Variants in HDAC4 observed in about 807,000 individuals in gnomAD.
HDAC4 encodes histone deacetylase A.
HDAC4 carries 16 observed loss-of-function variants against 135.1 expected under a neutral mutation model. The observed-to-expected ratio is 0.12, with a 90% CI of 0.08 to 0.18. The LOEUF (loss-of-function observed/expected upper bound fraction) is 0.18, where lower values mean the gene tolerates loss of function less well. HDAC4 is among the 10% of genes least tolerant of loss of function. HDAC4 has a pLI of 1.00. For missense variants in HDAC4, 1,143 were observed against 1,511.8 expected (o/e 0.76, Z 4.05); for synonymous variants, 685 against 653.4 (o/e 1.05, Z -0.74).
At chr2:239,380,134 C>T (rs148594448) in intron 1 of HDAC4, among the ~76,000 whole-genome samples, 4 of 152,248 alleles carry the variant, frequency 2.6e-5, no homozygotes, top group Non-Finnish European at 5.9e-5. Flanking sequence ...TCATGAGGCT[C>T]GATTCATTCA....
At position 239,189,873 on chromosome 2, in the gene HDAC4, A is replaced by T; in HGVS notation, c.299T>A (p.Leu100His). 1 of 1,609,886 alleles carries T rather than the reference A, an allele frequency of 6.2e-7. No homozygotes were observed. Among genetic ancestry groups the T allele is most frequent in the Non-Finnish European group, 8.5e-7 (1 of 1,179,838 alleles). ...IAEFQRQHEQLSRQHEAQLHE... is the reference protein window; with the variant it reads ...IAEFQRQHEQHSRQHEAQLHE... The stretch of plus-strand genomic sequence containing the variant: ...GAGCTGCGCCTCGTGCTGCCGGGAG[A>T]GCTGCTCGTGCTGCCTCTGGAACTC... The change falls in exon 4 of 27, where the codon CTC (leucine) becomes CAC (histidine). Residue 100 changes from leucine to histidine, a missense_variant. Leu to His is a moderately conservative substitution (Grantham distance 99). Transcript: ENST00000543185.
chr2:239,090,333 G>GATGC (rs372235012), intron 17 of HDAC4, among the ~76,000 whole-genome samples: 3 of 151,976 alleles, frequency 2.0e-5, no homozygotes, highest in African/African-American at 7.2e-5. Flanking sequence ...CCAGAAGAAA[G>GATGC]ATGCATGTGT....
intron 22 of HDAC4, among the ~76,000 whole-genome samples, chr2:239,080,361 G>A (rs1249342524): frequency 1.3e-5 from 2 of 152,216 alleles, no homozygotes; most frequent in East Asian, 1.9e-4. Flanking sequence ...GCTCAGCCAC[G>A]CTAATAAAAC....
At chr2:239,151,044 G>A (rs1462736957) in intron 7 of HDAC4, among the ~76,000 whole-genome samples, 1 of 152,248 alleles carries the variant, frequency 6.6e-6, no homozygotes, top group African/African-American at 2.4e-5. Context: ...ATTAGAACAA[G>A]GGACAGCAAG....
At chr2:239,145,959 C>G (rs373327771) in intron 7 of HDAC4, among the ~76,000 whole-genome samples, 1 of 152,314 alleles carries the variant, frequency 6.6e-6, no homozygotes, top group East Asian at 1.9e-4. Flanking sequence ...GTGGGAGAAG[C>G]AAGCTCCCTA....
intron 2 of HDAC4, among the ~76,000 whole-genome samples, chr2:239,251,642 C>A (rs569101494): frequency 6.6e-6 from 1 of 152,090 alleles, no homozygotes; most frequent in Admixed American, 6.5e-5. Flanking sequence ...CCACACAGTA[C>A]CTGCAGTCCT....
At chr2:239,134,206 C>A (rs781172707) in intron 11 of HDAC4, 39 bp downstream of exon 11, 28 of 1,572,346 alleles carry the variant, frequency 1.8e-5, no homozygotes, top group Middle Eastern at 2.1e-4. Context: ...GCGTGGGCAG[C>A]CTCAGAGCCT....
intron 6 of HDAC4, among the ~76,000 whole-genome samples, chr2:239,160,093 G>A (rs1011021633): frequency 7.9e-5 from 12 of 152,166 alleles, no homozygotes; most frequent in African/African-American, 2.9e-4. Flanking sequence ...ACATACGCCA[G>A]GATACTCCAG....
chr2:239,152,458 C>T lies in HDAC4; in HGVS notation c.733+4194G>A, dbSNP rs116656616. Among the ~76,000 whole-genome samples the T allele has an allele frequency of 9.1e-3, 1,391 of 152,346 alleles. 14 individuals are homozygous for T. Among genetic ancestry groups the T allele is most frequent in the Middle Eastern group, 0.014 (4 of 294 alleles). On this transcript the variant is annotated intron_variant, in intron 7 of 26. Coordinates refer to ENST00000543185, the MANE Select transcript of HDAC4 (RefSeq NM_001378414.1). Reference sequence around the variant, plus strand: ...CCGAAATCTGGCGGGAGGTGAAGACCTCTGAAGTGGAGACACCCCTGCTGC... The same window carrying T: ...CCGAAATCTGGCGGGAGGTGAAGACTTCTGAAGTGGAGACACCCCTGCTGC...
chr2:239,071,989 A>G (rs754942106), intron 22 of HDAC4, among the ~76,000 whole-genome samples: 1 of 152,158 alleles, frequency 6.6e-6, no homozygotes, highest in African/African-American at 2.4e-5. Flanking sequence ...CTTCATCTTC[A>G]ACACCATTGC....
intron 1 of HDAC4, among the ~76,000 whole-genome samples, chr2:239,354,011 T>G (rs983767370): frequency 2.0e-5 from 3 of 152,232 alleles, no homozygotes; most frequent in African/African-American, 7.2e-5. Context: ...CATTTTCTGC[T>G]TATAAAAGCA....
At chr2:239,252,605 G>C (rs114762890) in intron 2 of HDAC4, among the ~76,000 whole-genome samples, 2,298 of 152,290 alleles carry the variant, frequency 0.015, 24 homozygotes, top group Non-Finnish European at 0.023. Context: ...ATGTCCCACG[G>C]AAGTTCCTTC....
Position 239,139,187 on chromosome 2 carries a change from C to T in HDAC4, c.978+497G>A, listed in dbSNP as rs1009595045. On this transcript the variant is annotated intron_variant, in intron 9 of 26. Coordinates refer to ENST00000543185, the MANE Select transcript of HDAC4 (RefSeq NM_001378414.1). This position sits in a 1 kb window ranked among gnomAD's most constrained non-coding sequence, Gnocchi z 5.3. ...TGCTGACCACGGGTGACGCTCCAGT[C>T]GGCCCTGACACATAGTTTGTTGGCC... is the stretch of plus-strand genomic sequence containing the variant. 6.6e-5 allele frequency among the ~76,000 whole-genome samples: 10 copies of T among 152,106 alleles called. No individual in the cohort carries two copies. The highest frequency in any genetic ancestry group is 8.8e-5 in the Non-Finnish European group (6 of 67,982).
intron 2 of HDAC4, among the ~76,000 whole-genome samples, chr2:239,250,444 C>CTATCTGAACT (rs1430688226): frequency 6.6e-6 from 1 of 152,250 alleles, no homozygotes; most frequent in Non-Finnish European, 1.5e-5. Flanking sequence ...TAGTCCAGGG[C>CTATCTGAACT]CCCGCACGGC....
chr2:239,361,156 C>G (rs1693842407), intron 1 of HDAC4, among the ~76,000 whole-genome samples: 1 of 152,130 alleles, frequency 6.6e-6, no homozygotes, highest in East Asian at 1.9e-4. Context: ...CCTCTGCCTG[C>G]CCCTGGCTGG....
intron 2 of HDAC4, among the ~76,000 whole-genome samples, chr2:239,341,276 C>T (rs1166027964): frequency 3.3e-5 from 5 of 152,266 alleles, no homozygotes; most frequent in African/African-American, 7.2e-5. Flanking sequence ...CCTTTGCTCC[C>T]GCACAGCCAC....
At chr2:239,076,746 G>A (rs1308058693) in intron 22 of HDAC4, among the ~76,000 whole-genome samples, 1 of 152,160 alleles carries the variant, frequency 6.6e-6, no homozygotes, top group African/African-American at 2.4e-5. Flanking sequence ...CCTACTAAGG[G>A]GCCTCCAGGT....
intron 2 of HDAC4, among the ~76,000 whole-genome samples, chr2:239,277,015 G>A (rs1009930017): frequency 3.3e-5 from 5 of 152,012 alleles, no homozygotes; most frequent in East Asian, 1.9e-4. Flanking sequence ...TTCCACTGCC[G>A]CGCCCTCCTG....
intron 1 of HDAC4, among the ~76,000 whole-genome samples, chr2:239,387,811 C>A (rs937565362): frequency 6.6e-6 from 1 of 152,128 alleles, no homozygotes; most frequent in Admixed American, 6.5e-5. Flanking sequence ...AACAAGAGTG[C>A]GCCCCTGGAG....
Sources: gnomAD v4.1 joint callset for allele counts (sites outside exome capture counted in the v4.1 genomes callset) on GRCh38, gnomAD v4.1.1 for gene constraint, Gnocchi (gnomAD v3.1) non-coding constraint, MANE v1.5 for transcripts, NCBI Gene and HGNC (gene_info 2026-07-23, HGNC 2026-07-21) for gene names.